Variants in CADM1 observed in about 807,000 individuals in gnomAD.
CADM1 encodes the protein cell adhesion molecule 1.
A neutral mutation model predicts 53.1 loss-of-function variants in CADM1; 15 were observed. The ratio of observed to expected loss-of-function variants is 0.28; its 90% confidence interval spans 0.19 to 0.44. The LOEUF (loss-of-function observed/expected upper bound fraction) is 0.44, where lower values mean the gene tolerates loss of function less well. CADM1 is among the 20% of genes least tolerant of loss of function. The probability of loss-of-function intolerance (pLI) is 1.00; values close to 1 mark genes in which losing one functional copy is unlikely to be tolerated. For synonymous variants in CADM1, 281 were observed against 243.0 expected (o/e 1.16, Z -1.45); for missense variants, 434 against 611.3 (o/e 0.71, Z 3.06).
At chr11:115,468,737 C>T (rs991534403) in intron 1 of CADM1, among the ~76,000 whole-genome samples, 9 of 152,234 alleles carry the variant, frequency 5.9e-5, no homozygotes, top group African/African-American at 2.2e-4. Flanking sequence ...AAAACCCAGA[C>T]TAGGGCATGA....
chr11:115,372,240 C>G (rs1281737977), intron 1 of CADM1, among the ~76,000 whole-genome samples: 1 of 152,176 alleles, frequency 6.6e-6, no homozygotes, highest in Non-Finnish European at 1.5e-5. Flanking sequence ...CCCTTTATGT[C>G]TTGGCTAACA....
At chr11:115,190,150 AGGTTTAAGC>A (rs1939775597) in intron 10 of CADM1, among the ~76,000 whole-genome samples, 1 of 152,220 alleles carries the variant, frequency 6.6e-6, no homozygotes, top group African/African-American at 2.4e-5. Context: ...ATGGATGGAA[AGGTTTAAGC>A]CATAGCTGGT....
chr11:115,183,010 G>C lies in CADM1; in HGVS notation c.1166-4235C>G, dbSNP rs553991416. Among the ~76,000 whole-genome samples the C allele has an allele frequency of 1.8e-4, 27 of 152,278 alleles. 1 individual carries two copies. The South Asian group carries it at 5.4e-3, about 30-fold the overall frequency. On this transcript the variant is annotated intron_variant, in intron 10 of 11. Transcript: ENST00000331581. ...TTAGCATCTTAGAAATTGCGGGACA[G>C]AGAAATCTCAAAGAAACTCCCAAGA... is the stretch of plus-strand genomic sequence containing the variant.
intron 8 of CADM1, among the ~76,000 whole-genome samples, chr11:115,198,965 C>T (rs1940293142): frequency 6.6e-6 from 1 of 152,188 alleles, no homozygotes; most frequent in East Asian, 1.9e-4. Context: ...TGCTTATGCT[C>T]AGATGCCTGT....
At chr11:115,300,446 A>C (rs1192630808) in intron 1 of CADM1, among the ~76,000 whole-genome samples, 1 of 152,130 alleles carries the variant, frequency 6.6e-6, no homozygotes, top group East Asian at 1.9e-4. Context: ...AGATAAAATT[A>C]AGGCATCAAA....
chr11:115,319,272 G>T (rs1944758423), intron 1 of CADM1, among the ~76,000 whole-genome samples: 2 of 152,136 alleles, frequency 1.3e-5, no homozygotes, highest in African/African-American at 4.8e-5. Context: ...TGTGCCAAAA[G>T]CAGCTCTTCT....
chr11:115,409,591 A>C (rs1947407082), intron 1 of CADM1, among the ~76,000 whole-genome samples: 1 of 152,156 alleles, frequency 6.6e-6, no homozygotes, highest in Non-Finnish European at 1.5e-5. Context: ...TAACCCAACT[A>C]AGTAACTGGA....
At chr11:115,381,293 C>CAAAAAA (rs35733611) in intron 1 of CADM1, among the ~76,000 whole-genome samples, 1 of 115,804 alleles carries the variant, frequency 8.6e-6, no homozygotes. Flanking sequence ...GACTCCATCT[C>CAAAAAA]AAAAAAAAAA....
chr11:115,259,782 C>T (rs1384480927), intron 1 of CADM1, among the ~76,000 whole-genome samples: 1 of 152,168 alleles, frequency 6.6e-6, no homozygotes, highest in Non-Finnish European at 1.5e-5. Flanking sequence ...ATCTAAAGAT[C>T]TCATCCTGAA....
chr11:115,180,087 C>T lies in CADM1; in HGVS notation c.1166-1312G>A, dbSNP rs117579116. On this transcript the variant is annotated intron_variant, in intron 10 of 11. Coordinates refer to ENST00000331581, the MANE Select transcript of CADM1 (RefSeq NM_001301043.2). ...AGTTTATCGATCAAGTGTACAGATC[C>T]GTGACAGCTAAAGGTAATGGTGCTC... 2.2e-3 allele frequency among the ~76,000 whole-genome samples: 338 copies of T among 152,152 alleles called. 1 individual carries two copies. Among genetic ancestry groups the T allele is most frequent in the Middle Eastern group, 0.017 (5 of 294 alleles).
At chr11:115,226,322 T>C (rs45513794) in intron 5 of CADM1, among the ~76,000 whole-genome samples, 1 of 152,162 alleles carries the variant, frequency 6.6e-6, no homozygotes, top group African/African-American at 2.4e-5. Flanking sequence ...GTGAAAGTGG[T>C]CCTCAAATAA....
At chr11:115,403,918 C>T (rs1164654391) in intron 1 of CADM1, among the ~76,000 whole-genome samples, 1 of 148,882 alleles carries the variant, frequency 6.7e-6, no homozygotes, top group African/African-American at 2.5e-5. Flanking sequence ...TTTTAAAGTT[C>T]AAATTGGTTT....
chr11:115,274,882 C>G (rs980012548), intron 1 of CADM1, among the ~76,000 whole-genome samples: 2 of 152,158 alleles, frequency 1.3e-5, no homozygotes, highest in Non-Finnish European at 2.9e-5. Flanking sequence ...CTCCTTTTGG[C>G]CCCATCTTGA....
chr11:115,455,420 G>T (rs75227293), intron 1 of CADM1, among the ~76,000 whole-genome samples: 21,542 of 151,626 alleles, frequency 0.14, 1,723 homozygotes, highest in East Asian at 0.4. Flanking sequence ...TATATATAGA[G>T]AGAGAGAGAA....
chr11:115,254,255 A>G (rs928104134), intron 1 of CADM1, among the ~76,000 whole-genome samples: 2 of 152,144 alleles, frequency 1.3e-5, no homozygotes, highest in Admixed American at 6.5e-5. Context: ...CTGTTTTAAG[A>G]CTTCATGGGT....
intron 6 of CADM1, among the ~76,000 whole-genome samples, chr11:115,215,522 T>C (rs1941143557): frequency 6.6e-6 from 1 of 152,148 alleles, no homozygotes; most frequent in Admixed American, 6.6e-5. Flanking sequence ...AGCTCGTGGG[T>C]AGGGCTCTCA....
chr11:115,328,458 C>A, intron 1 of CADM1, among the ~76,000 whole-genome samples: 1 of 151,502 alleles, frequency 6.6e-6, no homozygotes, highest in East Asian at 2.0e-4. Context: ...TACATGTCTT[C>A]ATTCCTTCAA....
intron 1 of CADM1, among the ~76,000 whole-genome samples, 168 bp downstream of exon 1, chr11:115,504,103 G>A (rs555288000): frequency 1.3e-5 from 2 of 152,274 alleles, no homozygotes; most frequent in South Asian, 4.1e-4. Context: ...GCTCACAGAT[G>A]CCCTCAGCCC....
chr11:115,199,620 C>T (rs935739733), intron 8 of CADM1, among the ~76,000 whole-genome samples: 3 of 152,196 alleles, frequency 2.0e-5, no homozygotes, highest in Admixed American at 6.5e-5. Context: ...GTCATTTTAT[C>T]ACCACTCTTC....
Sources: gnomAD v4.1 joint callset for allele counts (sites outside exome capture counted in the v4.1 genomes callset) on GRCh38, gnomAD v4.1.1 for gene constraint, MANE v1.5 for transcripts, NCBI Gene and HGNC (gene_info 2026-07-23, HGNC 2026-07-21) for gene names.